The following CSF1R variants were observed in gnomAD, a reference collection of about 807,000 sequenced individuals.
The protein encoded by CSF1R is colony stimulating factor 1 receptor.
Under a neutral mutation model 110.0 loss-of-function variants are expected in CSF1R, and 40 were observed. That is an observed-to-expected ratio of 0.36 (90% CI 0.28 to 0.47). CSF1R has a LOEUF of 0.47. Among genes scored for constraint, CSF1R ranks in the 20% least tolerant of loss-of-function variants. CSF1R has a pLI of 0.99. For synonymous variants in CSF1R, 523 were observed against 503.4 expected, an observed-to-expected ratio of 1.04 and a Z score of -0.52; for missense variants, 1,052 against 1,253.0, an observed-to-expected ratio of 0.84 and a Z score of 2.42.
chr5:150,060,384 A>G (rs780957802), intron 13 of CSF1R, among the ~76,000 whole-genome samples: 1 of 152,026 alleles, frequency 6.6e-6, no homozygotes, highest in African/African-American at 2.4e-5. Flanking sequence ...AATGTAGCCC[A>G]AGAATTATTT....
chr5:150,063,297 A>G (rs1049479438), intron 10 of CSF1R, among the ~76,000 whole-genome samples: 8 of 151,694 alleles, frequency 5.3e-5, no homozygotes, highest in Admixed American at 2.6e-4. Context: ...ATGAGCTACC[A>G]TGCCTGGCCG....
In CSF1R at chr5:150,080,866, T is replaced by C; in HGVS notation, c.208A>G (p.Ser70Gly). 6.2e-7 allele frequency: 1 copy of C among 1,614,144 alleles called. No individual in the cohort carries two copies. Among genetic ancestry groups the C allele is most frequent in the Non-Finnish European group, 8.5e-7 (1 of 1,180,020 alleles). Residue 70 changes from serine (S) to glycine (G), a missense_variant, in exon 2 of 21, where the codon AGC becomes GGC. Ser to Gly is a moderately conservative substitution (Grantham distance 56). Transcript: ENST00000675795. Reference sequence around the variant, plus strand: ...TTTTGGAAGGTAGCGTTGTTGGTGCTGAGGATGCTGCTGGAGCCATCAGAG... The same window carrying C: ...TTTTGGAAGGTAGCGTTGTTGGTGCCGAGGATGCTGCTGGAGCCATCAGAG... The part of the protein sequence containing the change: ...LYSDGSSSIL[S>G]TNNATFQNTG...
chr5:150,053,316 A>G lies in CSF1R; in HGVS notation c.*753T>C. The G allele has an allele frequency of 8.6e-6, 2 of 233,236 alleles. No individual in the cohort carries two copies. Among genetic ancestry groups the G allele is most frequent in the Non-Finnish European group, 1.7e-5 (2 of 117,744 alleles). 14.4% of individuals were successfully genotyped at this position (233,236 alleles called of 1,614,324 possible). A position where few individuals can be genotyped will look rare whatever the true frequency, so the allele number is the denominator to read the frequency against. ...TGACTGCATTAATGCTGTTAGTTTA[A>G]TGTGGACAGAGACATCCCACGGCGT... On this transcript the variant is annotated 3_prime_UTR_variant, in exon 21 of 21. Coordinates refer to ENST00000675795, the MANE Select transcript of CSF1R (RefSeq NM_001288705.3).
At chr5:150,065,851 G>A (rs547704118) in intron 10 of CSF1R, among the ~76,000 whole-genome samples, 1 of 152,222 alleles carries the variant, frequency 6.6e-6, no homozygotes, top group Admixed American at 6.5e-5. Flanking sequence ...GGGATACAGA[G>A]TTCCTAAACC....
In CSF1R at chr5:150,057,296, A is replaced by T; in HGVS notation, c.2310T>A (p.Ala770=). 1 of 1,613,106 alleles carries T rather than the reference A, an allele frequency of 6.2e-7. No individual in the cohort carries two copies. The highest frequency in any genetic ancestry group is 8.5e-7 in the Non-Finnish European group (1 of 1,179,880). Residue 770 remains alanine, a synonymous_variant, in exon 16 of 21, where the codon GCT becomes GCA. Coordinates refer to ENST00000675795, the MANE Select transcript of CSF1R (RefSeq NM_001288705.3). ...CCAGGTTCCTACTCACATTCTTGGA[A>T]GCGAGGAAGGCCATGCCCTGGGCTA... The part of the protein sequence containing the change: ...SQVAQGMAFL[A]SKNCIHRDVA...
chr5:150,069,143 G>A (rs1301565239), intron 9 of CSF1R, among the ~76,000 whole-genome samples: 1 of 152,158 alleles, frequency 6.6e-6, no homozygotes, highest in Non-Finnish European at 1.5e-5. Context: ...CTTGCAGCTG[G>A]ACCCTGGTAG....
At chr5:150,055,513 G>C (rs986452011) in intron 18 of CSF1R, among the ~76,000 whole-genome samples, 177 bp from the exon 19 acceptor site, 8 of 152,234 alleles carry the variant, frequency 5.3e-5, no homozygotes, top group African/African-American at 1.9e-4. Flanking sequence ...TAGGCTTTAG[G>C]AAGGTGTGAG....
At chr5:150,100,815 T>C (rs955034467) in intron 1 of CSF1R, among the ~76,000 whole-genome samples, 11 of 151,772 alleles carry the variant, frequency 7.2e-5, no homozygotes, top group Admixed American at 7.2e-4. Flanking sequence ...GAAAAAAAAA[T>C]GAAATATCCA....
At chr5:150,063,439 T>C (rs981034007) in intron 10 of CSF1R, among the ~76,000 whole-genome samples, 1 of 152,032 alleles carries the variant, frequency 6.6e-6, no homozygotes, top group African/African-American at 2.4e-5. Context: ...CTCAAACTCC[T>C]GGGCTCAAGC....
intron 10 of CSF1R, among the ~76,000 whole-genome samples, chr5:150,066,466 G>A (rs1394304493): frequency 2.0e-5 from 3 of 152,212 alleles, no homozygotes; most frequent in African/African-American, 4.8e-5. Context: ...TGTCAGAGGA[G>A]GAGGGGCTGT....
intron 1 of CSF1R, among the ~76,000 whole-genome samples, chr5:150,105,835 T>C (rs1759539384): frequency 6.6e-6 from 1 of 152,192 alleles, no homozygotes. Flanking sequence ...CTCCCTAATA[T>C]TTTCTGAGTG....
At chr5:150,071,183 G>A (rs1201734426) in intron 6 of CSF1R, among the ~76,000 whole-genome samples, 1 of 152,156 alleles carries the variant, frequency 6.6e-6, no homozygotes, top group Admixed American at 6.5e-5. Flanking sequence ...TTGAATCTTT[G>A]TGGGCACTCA....
At position 150,086,240 on chromosome 5, in the gene CSF1R, A is replaced by G. The variant is rs1045932357; in HGVS notation, c.49+139T>C. 4 of 776,048 alleles carry G rather than the reference A, an allele frequency of 5.2e-6. No individual in the cohort carries two copies. In the Admixed American group the frequency reaches 1.0e-4, roughly 19 times the overall value. 48.1% of individuals were successfully genotyped at this position (776,048 alleles called of 1,614,324 possible). On this transcript the variant is annotated intron_variant, in intron 1 of 20. Transcript: ENST00000675795. ...ACCCCACTACCTCTCCAAAGCAGAT[A>G]CCCACAAGCCTGCAGTCCAGTGTTG... is the stretch of plus-strand genomic sequence containing the variant.
rs753736284 is a variant in CSF1R, at chr5:150,054,152, TCTC to T, written c.2833_2835del (p.Glu945del). 3.0e-5 allele frequency: 49 copies of T among 1,613,698 alleles called. No individual in the cohort carries two copies. The highest frequency in any genetic ancestry group is 2.5e-4 in the East Asian group (11 of 44,868). On this transcript the variant is annotated inframe_deletion, in exon 21 of 21. Coordinates refer to ENST00000675795, the MANE Select transcript of CSF1R (RefSeq NM_001288705.3). Reference sequence around the variant, plus strand: ...CAGCAGGTCAGGTGCTCACTAGAGCTCTCCTCCTCCAGCTCACTGCTGCTGCTG... The same window carrying T: ...CAGCAGGTCAGGTGCTCACTAGAGCTCTCCTCCAGCTCACTGCTGCTGCTG...
At chr5:150,105,261 T>C (rs1161949396) in intron 1 of CSF1R, among the ~76,000 whole-genome samples, 1 of 140,500 alleles carries the variant, frequency 7.1e-6, no homozygotes, top group African/African-American at 2.6e-5. Flanking sequence ...GGCAGGAGAA[T>C]CACTTGAACC....
chr5:150,088,991 T>G (rs767141309), upstream of CSF1R, among the ~76,000 whole-genome samples: 1 of 152,240 alleles, frequency 6.6e-6, no homozygotes, highest in Non-Finnish European at 1.5e-5. Context: ...TGTCACTTGA[T>G]GTAACTGTAA....
chr5:150,074,433 G>GAGT (rs1428992434), intron 5 of CSF1R, among the ~76,000 whole-genome samples: 3 of 150,254 alleles, frequency 2.0e-5, no homozygotes, highest in Non-Finnish European at 4.4e-5. Flanking sequence ...TCAGCCTCCC[G>GAGT]AGTAGCTGGG....
At chr5:150,076,708 C>A (rs1413521818) in intron 5 of CSF1R, among the ~76,000 whole-genome samples, 5 of 152,222 alleles carry the variant, frequency 3.3e-5, no homozygotes, top group Non-Finnish European at 5.9e-5. Context: ...TTGTCAAGTT[C>A]TTTCAGTGTT....
chr5:150,058,013 C>T (rs1581283475), intron 14 of CSF1R: 21 of 360,470 alleles, frequency 5.8e-5, no homozygotes, highest in South Asian at 1.9e-4. Context: ...AAAATCACTT[C>T]GGGAGCTTTT....
Sources: allele counts gnomAD v4.1 joint callset (sites outside exome capture counted in the v4.1 genomes callset), GRCh38; gene constraint gnomAD v4.1.1; transcripts MANE v1.5; gene names NCBI Gene and HGNC (gene_info 2026-07-23, HGNC 2026-07-21).